MLIP: variants seen among roughly 807,000 people sequenced by gnomAD.
MLIP encodes muscular LMNA interacting protein, also known as muscular LMNA-interacting protein.
Under a neutral mutation model 84.8 loss-of-function variants are expected in MLIP, and 79 were observed. The ratio of observed to expected loss-of-function variants is 0.93; its 90% CI spans 0.78 to 1.12. The LOEUF is 1.12. MLIP is among the 50% of genes most tolerant of loss of function. The probability of loss-of-function intolerance (pLI) is 0.00; values close to 1 mark genes in which losing one functional copy is unlikely to be tolerated. For synonymous variants in MLIP, 504 were observed against 463.0 expected (o/e 1.09, Z -1.14); for missense variants, 1,257 against 1,160.6 (o/e 1.08, Z -1.21).
At chr6:54,051,836 C>T (rs73741418) in intron 1 of MLIP, among the ~76,000 whole-genome samples, 4,489 of 152,162 alleles carry the variant, frequency 0.03, 201 homozygotes, top group African/African-American at 0.1. Context: ...ACACTTAGTA[C>T]GGACTGGCAT....
intron 1 of MLIP, among the ~76,000 whole-genome samples, chr6:54,096,716 C>G (rs574574522): frequency 1.6e-4 from 24 of 152,350 alleles, no homozygotes; most frequent in Admixed American, 1.1e-3. Flanking sequence ...CCACCAGCTG[C>G]TCTCTCATAA....
At chr6:54,214,596 G>T (rs1376366555) in intron 11 of MLIP, among the ~76,000 whole-genome samples, 2 of 152,158 alleles carry the variant, frequency 1.3e-5, no homozygotes, top group Non-Finnish European at 2.9e-5. Context: ...GAGGTTTGAT[G>T]TCCTAGCTCC....
intron 9 of MLIP, among the ~76,000 whole-genome samples, chr6:54,171,332 T>C (rs1775749587): frequency 6.6e-6 from 1 of 151,630 alleles, no homozygotes; most frequent in Non-Finnish European, 1.5e-5. Context: ...ATATAAACTC[T>C]AATGCAGATA....
intron 9 of MLIP, among the ~76,000 whole-genome samples, chr6:54,182,513 G>A (rs1381765883): frequency 6.6e-6 from 1 of 152,156 alleles, no homozygotes; most frequent in African/African-American, 2.4e-5. Flanking sequence ...TGAGAGGGTG[G>A]TTTTCTATGT....
At chr6:54,053,011 G>A (rs1342054324) in intron 1 of MLIP, among the ~76,000 whole-genome samples, 1 of 152,188 alleles carries the variant, frequency 6.6e-6, no homozygotes, top group African/African-American at 2.4e-5. Context: ...TCATTTCAGA[G>A]CATTGTTGAC....
chr6:54,058,798 G>C (rs961942449), intron 1 of MLIP: 2 of 152,106 alleles, frequency 1.3e-5, no homozygotes, highest in African/African-American at 4.8e-5. Context: ...ATCAGATATT[G>C]GCTCAAAGAC....
At chr6:54,098,484 G>A (rs1768393686) in intron 1 of MLIP, among the ~76,000 whole-genome samples, 1 of 151,786 alleles carries the variant, frequency 6.6e-6, no homozygotes, top group Non-Finnish European at 1.5e-5. Flanking sequence ...TCTCTTGAAG[G>A]AGGAGGGGAA....
chr6:54,217,213 G>T, intron 11 of MLIP: 1 of 985,378 alleles, frequency 1.0e-6, no homozygotes, highest in Non-Finnish European at 1.2e-6. Flanking sequence ...GGGACAGCAT[G>T]AGTGAAGAGG....
chr6:54,090,292 G>A (rs185200808), intron 1 of MLIP, among the ~76,000 whole-genome samples: 1 of 152,070 alleles, frequency 6.6e-6, no homozygotes, highest in African/African-American at 2.4e-5. Flanking sequence ...GAGTCCATCA[G>A]CTATCTTATT....
chr6:54,120,327 T>C lies in MLIP; in HGVS notation c.97-1120T>C, dbSNP rs60583787. On this transcript the variant is annotated intron_variant, in intron 1 of 13. Coordinates refer to ENST00000502396, the MANE Select transcript of MLIP (RefSeq NM_001281747.2). The stretch of plus-strand genomic sequence containing the variant: ...TCGGCTCACTGCAAGCTCCGCCTCC[T>C]GGGTTCACGCCATTCTCCTGCTTCA... 5.7e-3 allele frequency among the ~76,000 whole-genome samples: 861 copies of C among 152,204 alleles called. 14 individuals carry two copies. The highest frequency in any genetic ancestry group is 0.019 in the African/African-American group (779 of 41,550).
At chr6:54,072,598 G>A (rs1476241152) in intron 1 of MLIP, among the ~76,000 whole-genome samples, 2 of 152,122 alleles carry the variant, frequency 1.3e-5, no homozygotes, top group Admixed American at 1.3e-4. Context: ...AGTGAAATGA[G>A]GCACTGCTTA....
At chr6:54,018,985 C>A (rs1445263125) in exon 1 of MLIP, 2 of 1,513,644 alleles carry the variant, frequency 1.3e-6, no homozygotes, top group East Asian at 2.2e-5. Context: ...GAATCTGAAC[C>A]TCTGTGTCTC....
intron 11 of MLIP, chr6:54,216,760 T>A: frequency 1.0e-6 from 1 of 985,388 alleles, no homozygotes; most frequent in Non-Finnish European, 1.2e-6. Flanking sequence ...TCTCCAAAAT[T>A]TGGGTTTCTA....
chr6:54,099,145 G>A (rs1364188909), intron 1 of MLIP, among the ~76,000 whole-genome samples: 1 of 152,062 alleles, frequency 6.6e-6, no homozygotes, highest in East Asian at 1.9e-4. Context: ...GTTTTGAGAA[G>A]GAATTAGTTT....
intron 1 of MLIP, chr6:54,083,508 T>C (rs1767295039): frequency 1.3e-6 from 2 of 1,535,520 alleles, no homozygotes; most frequent in South Asian, 2.4e-5. Flanking sequence ...ATGAGTTCTA[T>C]TGGCTGACAC....
chr6:54,020,072 T>G (rs1165819632), intron 1 of MLIP, among the ~76,000 whole-genome samples: 1 of 152,216 alleles, frequency 6.6e-6, no homozygotes, highest in Non-Finnish European at 1.5e-5. Context: ...CAGAGTATTT[T>G]CCTTTCTGAC....
At chr6:54,212,856 T>A (rs928607051) in intron 11 of MLIP, among the ~76,000 whole-genome samples, 4 of 152,206 alleles carry the variant, frequency 2.6e-5, no homozygotes, top group African/African-American at 9.7e-5. Context: ...TTTTAAAGGG[T>A]CTTGGCATTT....
At chr6:54,058,334 C>T (rs965356844) in intron 1 of MLIP, among the ~76,000 whole-genome samples, 3 of 152,162 alleles carry the variant, frequency 2.0e-5, no homozygotes, top group Non-Finnish European at 2.9e-5. Context: ...GTGATCTCTG[C>T]ATTTTGGACA....
chr6:54,212,055 C>A (rs962585948), intron 11 of MLIP, among the ~76,000 whole-genome samples: 2 of 152,148 alleles, frequency 1.3e-5, no homozygotes, highest in South Asian at 2.1e-4. Flanking sequence ...AGCTTCTACT[C>A]ATGGTAGCTC....
Sources: allele counts gnomAD v4.1 joint callset (sites outside exome capture counted in the v4.1 genomes callset), GRCh38; gene constraint gnomAD v4.1.1; transcripts MANE v1.5; gene names NCBI Gene and HGNC (gene_info 2026-07-23, HGNC 2026-07-21).